Variants in MAP6 observed in about 807,000 individuals in gnomAD.
MAP6 encodes microtubule associated protein 6, also known as microtubule-associated protein 6.
MAP6 carries 26 observed loss-of-function variants against 42.4 expected under a neutral mutation model. The ratio of observed to expected loss-of-function variants is 0.61; its 90% CI spans 0.45 to 0.85. The LOEUF is 0.85. MAP6 is among the 40% of genes least tolerant of loss of function. MAP6 has a pLI of 0.00. For missense variants in MAP6, 966 were observed against 1,099.0 expected (o/e 0.88, Z 1.71); for synonymous variants, 418 against 443.8 (o/e 0.94, Z 0.73).
In MAP6 at chr11:75,667,753, A is replaced by G; in HGVS notation, c.617T>C (p.Val206Ala). The change falls in exon 1 of 4, where the codon GTG (valine) becomes GCG (alanine). Residue 206 changes from valine to alanine, a missense_variant. Physicochemically the swap from Val to Ala is moderately conservative, Grantham distance 64 (BLOSUM62 0). This residue lies in a region of MAP6 where 943 missense variants were observed against 1,049.9 expected (regional missense o/e 0.90). Coordinates refer to ENST00000304771, the MANE Select transcript of MAP6 (RefSeq NM_033063.2). This position sits in a 1 kb window ranked among gnomAD's most constrained non-coding sequence, Gnocchi z 5.6. ...RRPQSQERWP[V>A]QAAAEAREQE... ...CTCCCGGGCCTCAGCGGCGGCCTGCACTGGCCAGCGCTCCTGGCTCTGCGG... is the reference window on the plus strand; with the variant it reads ...CTCCCGGGCCTCAGCGGCGGCCTGCGCTGGCCAGCGCTCCTGGCTCTGCGG... 2 of 1,310,282 alleles carry G rather than the reference A, an allele frequency of 1.5e-6. No homozygotes were observed. Among genetic ancestry groups the G allele is most frequent in the Non-Finnish European group, 1.9e-6 (2 of 1,031,548 alleles). The allele number at this position is 1,310,282 out of a possible 1,614,324, so 81.2% of individuals were successfully genotyped here.
At chr11:75,651,839 TA>T (rs1943651336) in intron 1 of MAP6, among the ~76,000 whole-genome samples, 1 of 152,188 alleles carries the variant, frequency 6.6e-6, no homozygotes, top group Admixed American at 6.5e-5. Flanking sequence ...ACTTGCTACT[TA>T]AATACAGAGT....
intron 1 of MAP6, among the ~76,000 whole-genome samples, chr11:75,621,423 T>C (rs937961164): frequency 6.6e-5 from 10 of 152,142 alleles, no homozygotes; most frequent in African/African-American, 2.2e-4. Flanking sequence ...ACAAACATAA[T>C]ACTCAATGGT....
chr11:75,604,705 C>T (rs563946539), intron 3 of MAP6: 351 of 985,182 alleles, frequency 3.6e-4, no homozygotes, highest in Non-Finnish European at 3.9e-4. Flanking sequence ...ACACACGACA[C>T]GGAATATACT....
intron 1 of MAP6, among the ~76,000 whole-genome samples, chr11:75,655,535 T>C (rs762394671): frequency 5.5e-4 from 83 of 152,162 alleles, no homozygotes; most frequent in Non-Finnish European, 9.7e-4. Context: ...ATCAGATTGG[T>C]CAGATAATGG....
Position 75,667,766 on chromosome 11 carries a change from C to A in MAP6, c.604G>T (p.Glu202Ter). ...GAPKRRPQSQ[E>*]RWPVQAAAEA... ...GCGGCGGCCTGCACTGGCCAGCGCTCCTGGCTCTGCGGCCGGCGCTTGGGC... is the reference window on the plus strand; with the variant it reads ...GCGGCGGCCTGCACTGGCCAGCGCTACTGGCTCTGCGGCCGGCGCTTGGGC... Residue 202 changes from glutamate (E) to a stop codon, truncating the protein, a stop_gained, in exon 1 of 4, where the codon GAG becomes TAG. Coordinates refer to ENST00000304771, the MANE Select transcript of MAP6 (RefSeq NM_033063.2). LOFTEE classifies it high-confidence loss of function. The surrounding 1 kb of genome is among the most constrained non-coding windows in gnomAD (Gnocchi z 5.6). The A allele has an allele frequency of 7.6e-7, 1 of 1,308,792 alleles. No individual in the cohort carries two copies. Among genetic ancestry groups the A allele is most frequent in the Non-Finnish European group, 9.7e-7 (1 of 1,028,784 alleles). The allele number at this position is 1,308,792 out of a possible 1,614,324, so 81.1% of individuals were successfully genotyped here.
At chr11:75,657,063 C>A in intron 1 of MAP6, among the ~76,000 whole-genome samples, 1 of 151,770 alleles carries the variant, frequency 6.6e-6, no homozygotes, top group Non-Finnish European at 1.5e-5. Context: ...TATCTGGGAT[C>A]AATTTTCTCA....
At chr11:75,646,373 A>G (rs1235310897) in intron 1 of MAP6, among the ~76,000 whole-genome samples, 1 of 152,022 alleles carries the variant, frequency 6.6e-6, no homozygotes, top group Non-Finnish European at 1.5e-5. Context: ...TTCAAGAAGC[A>G]ACGGCTGGCT....
intron 3 of MAP6, among the ~76,000 whole-genome samples, chr11:75,591,363 C>G (rs1942473755): frequency 6.6e-6 from 1 of 152,178 alleles, no homozygotes; most frequent in Non-Finnish European, 1.5e-5. Context: ...ATCCAAGCAG[C>G]CTGGACAGTT....
intron 3 of MAP6, chr11:75,605,597 C>T (rs1413026743): frequency 3.0e-6 from 4 of 1,355,230 alleles, no homozygotes; most frequent in Non-Finnish European, 2.8e-6. Context: ...CCAGGGGCTG[C>T]CCTCAGGAGG....
At chr11:75,599,739 C>T (rs1178804454) in intron 3 of MAP6, among the ~76,000 whole-genome samples, 1 of 152,170 alleles carries the variant, frequency 6.6e-6, no homozygotes, top group Non-Finnish European at 1.5e-5. Context: ...TGATTCTTTT[C>T]AGGCCAGCTG....
intron 3 of MAP6, among the ~76,000 whole-genome samples, chr11:75,598,531 C>T (rs1253264925): frequency 2.0e-5 from 3 of 152,212 alleles, no homozygotes; most frequent in Admixed American, 1.3e-4. Flanking sequence ...CAGTATAAAA[C>T]CAGCCATTGA....
In MAP6 at chr11:75,587,385, C is replaced by G. The variant is rs1456574759; in HGVS notation, c.2116G>C (p.Gly706Arg). 1 of 1,614,002 alleles carries G rather than the reference C, an allele frequency of 6.2e-7. No homozygotes were observed. Among genetic ancestry groups the G allele is most frequent in the East Asian group, 2.2e-5 (1 of 44,894 alleles). Residue 706 changes from glycine (G) to arginine (R), a missense_variant, in exon 4 of 4, where the codon GGT becomes CGT. Physicochemically the swap from Gly to Arg is moderately radical, Grantham distance 125. Coordinates refer to ENST00000304771, the MANE Select transcript of MAP6 (RefSeq NM_033063.2). ...SAVVAPVKNQ[G>R]PVVPESVKNQ... ...TTCACGGACTCGGGGACCACAGGAC[C>G]TTGATTCTTTACAGGTGCCACAACT...
chr11:75,634,981 G>A (rs1036650048), intron 1 of MAP6, among the ~76,000 whole-genome samples: 5 of 152,188 alleles, frequency 3.3e-5, no homozygotes, highest in African/African-American at 1.2e-4. Flanking sequence ...GAAGGAAAAT[G>A]TGGAGCAAAA....
chr11:75,659,642 T>C (rs931640531), intron 1 of MAP6, among the ~76,000 whole-genome samples: 4 of 152,218 alleles, frequency 2.6e-5, no homozygotes, highest in African/African-American at 9.6e-5. Flanking sequence ...TAGAAGTTTT[T>C]AGTTTGCTGG....
chr11:75,589,302 A>G (rs1401793858), intron 3 of MAP6, among the ~76,000 whole-genome samples: 1 of 151,964 alleles, frequency 6.6e-6, no homozygotes, highest in African/African-American at 2.4e-5. Context: ...CAACACTAAC[A>G]CTCAAAGGCA....
At chr11:75,604,196 G>A (rs1469623322) in intron 3 of MAP6, 1 of 985,870 alleles carries the variant, frequency 1.0e-6, no homozygotes, top group Non-Finnish European at 1.2e-6. Context: ...TTCCTGTTCT[G>A]TTAATAATTA....
chr11:75,661,693 TTA>T (rs1943849268), intron 1 of MAP6, among the ~76,000 whole-genome samples: 1 of 152,090 alleles, frequency 6.6e-6, no homozygotes, highest in Non-Finnish European at 1.5e-5. Context: ...TTTCTTAACC[TTA>T]TCTTATAAAA....
In MAP6 at chr11:75,586,931, C is replaced by A. The variant is rs1243820961; in HGVS notation, c.*128G>T. 1.9e-6 allele frequency: 2 copies of A among 1,055,032 alleles called. No individual in the cohort carries two copies. The highest frequency in any genetic ancestry group is 1.6e-5 in the African/African-American group (1 of 62,624). The allele number at this position is 1,055,032 out of a possible 1,614,324, so 65.4% of individuals were successfully genotyped here. On this transcript the variant is annotated 3_prime_UTR_variant, in exon 4 of 4. Coordinates refer to ENST00000304771, the MANE Select transcript of MAP6 (RefSeq NM_033063.2). ...GAGAAACATTGCTGAGCCAGAGGGACCATTTTTATTAGATTCCAGCAAGAC... is the reference window on the plus strand; with the variant it reads ...GAGAAACATTGCTGAGCCAGAGGGAACATTTTTATTAGATTCCAGCAAGAC...
At position 75,586,929 on chromosome 11, in the gene MAP6, G is replaced by T; in HGVS notation, c.*130C>A. 1 of 1,035,784 alleles carries T rather than the reference G, an allele frequency of 9.7e-7. No individual in the cohort carries two copies. 64.2% of individuals were successfully genotyped at this position (1,035,784 alleles called of 1,614,324 possible). A position where few individuals can be genotyped will look rare whatever the true frequency, so the allele number is the denominator to read the frequency against. The stretch of plus-strand genomic sequence containing the variant: ...GAGAGAAACATTGCTGAGCCAGAGG[G>T]ACCATTTTTATTAGATTCCAGCAAG... On this transcript the variant is annotated 3_prime_UTR_variant, in exon 4 of 4. Transcript: ENST00000304771.
Sources: gnomAD v4.1 joint callset for allele counts (sites outside exome capture counted in the v4.1 genomes callset) on GRCh38, gnomAD v4.1.1 for gene constraint, gnomAD v4.1.1 regional missense constraint, Gnocchi (gnomAD v3.1) non-coding constraint, MANE v1.5 for transcripts, NCBI Gene and HGNC (gene_info 2026-07-23, HGNC 2026-07-21) for gene names.